FAM234A: variants seen among roughly 807,000 people sequenced by gnomAD.
The protein encoded by FAM234A is protein FAM234A.
In FAM234A, 42 loss-of-function variants were observed where a neutral mutation model predicts 49.1. The ratio of observed to expected loss-of-function variants is 0.86; its 90% CI spans 0.67 to 1.11. The LOEUF is 1.11. Ranked by LOEUF, FAM234A falls within the 50% of genes least tolerant of loss-of-function variation. The probability of loss-of-function intolerance (pLI) is 0.00; values close to 1 mark genes in which losing one functional copy is unlikely to be tolerated. For synonymous variants in FAM234A, 369 were observed against 316.2 expected, an observed-to-expected ratio of 1.17 and a Z score of -1.77; for missense variants, 815 against 745.2, an observed-to-expected ratio of 1.09 and a Z score of -1.09.
At chr16:243,734 G>A (rs1038025866) in intron 1 of FAM234A, among the ~76,000 whole-genome samples, 6 of 152,170 alleles carry the variant, frequency 3.9e-5, no homozygotes, top group Non-Finnish European at 7.3e-5. Flanking sequence ...TCCAAAGACA[G>A]GCCTTATTCG....
At chr16:252,579 CTG>C (rs2051063203) in intron 2 of FAM234A, among the ~76,000 whole-genome samples, 2 of 152,164 alleles carry the variant, frequency 1.3e-5, no homozygotes, top group African/African-American at 2.4e-5. Context: ...ATCTGCCAGA[CTG>C]TGTTTCACAG....
chr16:268,742 C>A, downstream of FAM234A: 1 of 1,542,634 alleles, frequency 6.5e-7, no homozygotes, highest in Non-Finnish European at 8.8e-7. Flanking sequence ...CTCGAGGCAG[C>A]CTCAGCACGG....
At chr16:236,352 C>A (rs969311290) in intron 1 of FAM234A, among the ~76,000 whole-genome samples, 4 of 152,080 alleles carry the variant, frequency 2.6e-5, no homozygotes, top group African/African-American at 7.2e-5. Context: ...TGGGTGGGCG[C>A]AGTGGCTCAT....
chr16:269,500 C>T, downstream of FAM234A: 2 of 1,612,920 alleles, frequency 1.2e-6, no homozygotes, highest in East Asian at 2.2e-5. Flanking sequence ...TGCCTGGGCT[C>T]ACCGTCTCTT....
intron 9 of FAM234A, 55 bp from the exon 10 acceptor site, chr16:263,645 C>A: frequency 7.0e-7 from 1 of 1,435,898 alleles, no homozygotes; most frequent in Non-Finnish European, 9.8e-7. Context: ...GTGCTTCCTT[C>A]ATCTCAGTCT....
At chr16:266,403 G>A (rs1031073541), downstream of FAM234A, among the ~76,000 whole-genome samples, 5 of 152,222 alleles carry the variant, frequency 3.3e-5, no homozygotes, top group East Asian at 1.9e-4. Context: ...CCTCGGCACC[G>A]CGTGACGTCT....
chr16:238,419 G>A (rs1274260461), intron 1 of FAM234A, among the ~76,000 whole-genome samples: 1 of 152,114 alleles, frequency 6.6e-6, no homozygotes, highest in Non-Finnish European at 1.5e-5. Context: ...TAATCTCTGG[G>A]AATCTGATTA....
intron 3 of FAM234A, among the ~76,000 whole-genome samples, chr16:257,338 C>T (rs1204087742): frequency 2.0e-5 from 3 of 150,310 alleles, no homozygotes; most frequent in African/African-American, 7.4e-5. Flanking sequence ...CTCCACCTCC[C>T]GGGTTCAAGC....
intron 1 of FAM234A, among the ~76,000 whole-genome samples, chr16:248,858 C>T (rs548641056): frequency 1.1e-4 from 16 of 151,936 alleles, no homozygotes; most frequent in African/African-American, 2.9e-4. Context: ...TAGGCTCAAG[C>T]GACCCACCTG....
chr16:239,088 A>T (rs1596735885), intron 1 of FAM234A, among the ~76,000 whole-genome samples: 2 of 121,062 alleles, frequency 1.7e-5, no homozygotes, highest in East Asian at 4.7e-4. Flanking sequence ...TCTCAAAAAT[A>T]AAAAAAAAAT....
chr16:261,310 C>G, intron 5 of FAM234A, 74 bp from the exon 6 acceptor site: 1 of 1,545,662 alleles, frequency 6.5e-7, no homozygotes. Context: ...CTGCCTGTCA[C>G]AGGCCTTGCA....
chr16:257,355 C>T (rs1472079437), intron 3 of FAM234A, among the ~76,000 whole-genome samples: 4 of 148,626 alleles, frequency 2.7e-5, no homozygotes, highest in East Asian at 4.1e-4. Context: ...AAGCGATTCT[C>T]CTGCCTCAGC....
chr16:268,848 T>C (rs966863246), downstream of FAM234A: 3 of 1,550,390 alleles, frequency 1.9e-6, no homozygotes, highest in South Asian at 2.4e-5. Flanking sequence ...TGTCCGCGTC[T>C]TGTGACGGGT....
chr16:254,116 A>G, intron 2 of FAM234A: 1 of 406,116 alleles, frequency 2.5e-6, no homozygotes, highest in Non-Finnish European at 4.5e-6. Flanking sequence ...GGCAGGAAGC[A>G]CCAGCGTGTT....
chr16:263,566 G>A (rs370374020), intron 9 of FAM234A, 134 bp from the exon 10 acceptor site: 25 of 1,261,946 alleles, frequency 2.0e-5, no homozygotes, highest in East Asian at 9.5e-5. Context: ...TGCCCCAGAC[G>A]TCGGCTCCGT....
intron 1 of FAM234A, chr16:240,423 T>C (rs1318384032): frequency 6.6e-6 from 1 of 152,152 alleles, no homozygotes; most frequent in African/African-American, 2.4e-5. Flanking sequence ...CTGAGTTCTC[T>C]GGGGTGGAGT....
chr16:245,664 GA>G (rs11321870), intron 1 of FAM234A, among the ~76,000 whole-genome samples: 32,373 of 148,372 alleles, frequency 0.22, 3,750 homozygotes, highest in East Asian at 0.33. Context: ...CTGATGAGCT[GA>G]AAAAAAAAAA....
Position 254,480 on chromosome 16 carries a change from G to A in FAM234A, c.67G>A (p.Glu23Lys). ...GAAAAATGAAGAAAGAAAATCGCAGGAAAATCTGGGAAATCCATCAAAAAA... is the reference window on the plus strand; with the variant it reads ...GAAAAATGAAGAAAGAAAATCGCAGAAAAATCTGGGAAATCCATCAAAAAA... ...PLKNEERKSQ[E>K]NLGNPSKNED... Residue 23 changes from glutamate to lysine, a missense_variant, in exon 3 of 13, where the codon GAA becomes AAA. Physicochemically the swap from Glu to Lys is moderately conservative, Grantham distance 56 (BLOSUM62 1). Coordinates refer to ENST00000399932, the MANE Select transcript of FAM234A (RefSeq NM_032039.4). The A allele has an allele frequency of 6.2e-7, 1 of 1,614,204 alleles. No homozygotes were observed. Among genetic ancestry groups the A allele is most frequent in the Non-Finnish European group, 8.5e-7 (1 of 1,180,034 alleles).
At chr16:258,772 G>T (rs536813134) in intron 3 of FAM234A, among the ~76,000 whole-genome samples, 1 of 152,104 alleles carries the variant, frequency 6.6e-6, no homozygotes, top group Admixed American at 6.5e-5. Context: ...GGGCAGCTGG[G>T]CCCGGCCTAT....
Sources: allele counts gnomAD v4.1 joint callset (sites outside exome capture counted in the v4.1 genomes callset), GRCh38; gene constraint gnomAD v4.1.1; transcripts MANE v1.5; gene names NCBI Gene and HGNC (gene_info 2026-07-23, HGNC 2026-07-21).